The following PCDH11Y variants were observed in gnomAD, a reference collection of about 807,000 sequenced individuals.
PCDH11Y encodes protocadherin 11 Y-linked.
For missense variants in PCDH11Y, 12 were observed against 224.8 expected (o/e 0.05, Z 6.05); for synonymous variants, 9 against 83.6 (o/e 0.11, Z 4.87).
intron 2 of PCDH11Y, among the ~76,000 whole-genome samples, chrY:5,357,921 C>T (rs2053169678): frequency 3.0e-5 from 1 of 33,479 alleles, no homozygotes; most frequent in Non-Finnish European, 7.3e-5. Context: ...GCAACTGTGG[C>T]TTTTTGCTGT....
At chrY:5,453,018 A>G in intron 2 of PCDH11Y, among the ~76,000 whole-genome samples, 2 of 33,369 alleles carry the variant, frequency 6.0e-5, no homozygotes, top group Non-Finnish European at 1.5e-4. Context: ...AATTCAACAT[A>G]AACTGAATAA....
At chrY:5,032,493 T>G in intron 2 of PCDH11Y, among the ~76,000 whole-genome samples, 1 of 33,015 alleles carries the variant, frequency 3.0e-5, no homozygotes, top group Non-Finnish European at 7.5e-5. Flanking sequence ...CCTGGATGAT[T>G]TGCTGCTAAC....
At chrY:5,315,829 A>G in intron 2 of PCDH11Y, among the ~76,000 whole-genome samples, 1 of 32,949 alleles carries the variant, frequency 3.0e-5, no homozygotes, top group African/African-American at 1.2e-4. Flanking sequence ...AACCAACCTA[A>G]TACAATGATA....
At chrY:5,031,455 G>A (rs2052590087) in intron 1 of PCDH11Y, among the ~76,000 whole-genome samples, 1 of 32,457 alleles carries the variant, frequency 3.1e-5, no homozygotes, top group South Asian at 6.7e-4. Context: ...TTGCAACATC[G>A]ATAATATAAA....
At chrY:5,497,745 G>A (rs2053346954) in intron 2 of PCDH11Y, among the ~76,000 whole-genome samples, 1 of 33,840 alleles carries the variant, frequency 3.0e-5, no homozygotes, top group African/African-American at 1.2e-4. Context: ...CACCTTGCCC[G>A]CTGCCTAGAG....
At chrY:5,219,944 ATCTT>A (rs2052950947) in intron 2 of PCDH11Y, among the ~76,000 whole-genome samples, 2 of 33,485 alleles carry the variant, frequency 6.0e-5, no homozygotes, top group Non-Finnish European at 1.5e-4. Context: ...ATAAGAGTCT[ATCTT>A]TCTTCTTTTT....
chrY:5,502,989 A>G (rs2053355201), intron 3 of PCDH11Y, among the ~76,000 whole-genome samples: 1 of 33,192 alleles, frequency 3.0e-5, no homozygotes, highest in Non-Finnish European at 7.5e-5. Flanking sequence ...CAGAAATAGT[A>G]AAACATTTAA....
At chrY:5,689,339 A>T in intron 4 of PCDH11Y, among the ~76,000 whole-genome samples, 1 of 32,405 alleles carries the variant, frequency 3.1e-5, no homozygotes, top group African/African-American at 1.2e-4. Flanking sequence ...ATAGTACATC[A>T]ATGAACTTAC....
chrY:5,409,712 G>A, intron 2 of PCDH11Y, among the ~76,000 whole-genome samples: 1 of 33,302 alleles, frequency 3.0e-5, no homozygotes, highest in Admixed American at 2.8e-4. Flanking sequence ...TCTATATACA[G>A]GATCATGTCA....
intron 2 of PCDH11Y, among the ~76,000 whole-genome samples, chrY:5,399,650 A>G: frequency 3.4e-5 from 1 of 29,632 alleles, no homozygotes. Flanking sequence ...AGAGGCCCCC[A>G]CCACCATGCC....
At chrY:5,243,593 A>G in intron 2 of PCDH11Y, among the ~76,000 whole-genome samples, 1 of 27,728 alleles carries the variant, frequency 3.6e-5, no homozygotes, top group Admixed American at 3.0e-4. Context: ...GCTAACACTG[A>G]GGGATCGAGA....
chrY:5,097,521 A>G (rs2052755176), intron 1 of PCDH11Y, among the ~76,000 whole-genome samples: 1 of 33,516 alleles, frequency 3.0e-5, no homozygotes, highest in Non-Finnish European at 7.4e-5. Flanking sequence ...AATTCTATAT[A>G]CTTTTTTCTT....
intron 1 of PCDH11Y, among the ~76,000 whole-genome samples, chrY:5,019,746 A>G: frequency 9.6e-5 from 3 of 31,147 alleles, no homozygotes; most frequent in African/African-American, 3.8e-4. Flanking sequence ...AATATTCAGT[A>G]TCACTTTGTT....
chrY:5,650,594 A>G (rs1602956210), intron 4 of PCDH11Y, among the ~76,000 whole-genome samples: 1 of 33,169 alleles, frequency 3.0e-5, no homozygotes, highest in Admixed American at 2.8e-4. Flanking sequence ...AATTGACTAA[A>G]GTTTACTGTT....
upstream of PCDH11Y, among the ~76,000 whole-genome samples, chrY:5,051,909 C>T (rs2052653287): frequency 3.1e-5 from 1 of 32,376 alleles, no homozygotes; most frequent in Non-Finnish European, 7.5e-5. Flanking sequence ...TGCCCTTGCC[C>T]GCCTCTGCTT....
chrY:5,413,432 A>G (rs2053249922), intron 2 of PCDH11Y, among the ~76,000 whole-genome samples: 1 of 33,539 alleles, frequency 3.0e-5, no homozygotes, highest in Non-Finnish European at 7.4e-5. Flanking sequence ...CATACTCCCA[A>G]TAAAACTTAT....
At chrY:5,338,438 A>T in intron 2 of PCDH11Y, 1 of 388,059 alleles carries the variant, frequency 2.6e-6, no homozygotes, top group African/African-American at 6.2e-5. Context: ...AAACATCTTG[A>T]TGTATTTGGG....
chrY:5,422,112 TGGA>T (rs2053258989), intron 2 of PCDH11Y, among the ~76,000 whole-genome samples: 1 of 27,631 alleles, frequency 3.6e-5, no homozygotes, highest in Admixed American at 3.6e-4. Flanking sequence ...CAAGTAAAGT[TGGA>T]GGACATAAAA....
intron 2 of PCDH11Y, among the ~76,000 whole-genome samples, chrY:5,343,444 G>A (rs372773990): frequency 1.3e-4 from 4 of 30,532 alleles, no homozygotes; most frequent in South Asian, 7.7e-4. Context: ...TAGTAAAGAC[G>A]GGGTTTCACC....
Sources: gnomAD v4.1 joint callset for allele counts (sites outside exome capture counted in the v4.1 genomes callset) on GRCh38, gnomAD v4.1.1 for gene constraint, MANE v1.5 for transcripts, NCBI Gene and HGNC (gene_info 2026-07-23, HGNC 2026-07-21) for gene names.